The following CALCR variants were observed in gnomAD, a reference collection of about 807,000 sequenced individuals.
The protein encoded by CALCR is calcitonin receptor.
Under a neutral mutation model 59.5 loss-of-function variants are expected in CALCR, and 47 were observed. The observed-to-expected ratio is 0.79, with a 90% confidence interval of 0.63 to 1.01. The LOEUF (loss-of-function observed/expected upper bound fraction) is 1.01, where lower values mean the gene tolerates loss of function less well. Ranked by LOEUF, CALCR falls within the 50% of genes least tolerant of loss-of-function variation. The pLI is 0.00. For synonymous variants in CALCR, 213 were observed against 211.3 expected, an observed-to-expected ratio of 1.01 and a Z score of -0.07; for missense variants, 566 against 597.1, an observed-to-expected ratio of 0.95 and a Z score of 0.54.
chr7:93,440,059 C>T (rs1263454779), intron 9 of CALCR, among the ~76,000 whole-genome samples: 2 of 152,086 alleles, frequency 1.3e-5, no homozygotes, highest in Non-Finnish European at 2.9e-5. Flanking sequence ...AGATTCATTT[C>T]AAATCCTAGA....
chr7:93,562,582 A>T (rs1356238036), intron 2 of CALCR, among the ~76,000 whole-genome samples: 1 of 152,132 alleles, frequency 6.6e-6, no homozygotes, highest in Non-Finnish European at 1.5e-5. Context: ...TCAAGGAATC[A>T]CCCATGGTGC....
Position 93,426,286 on chromosome 7 carries a change from A to G in CALCR, c.*70T>C. 1 of 853,506 alleles carries G rather than the reference A, an allele frequency of 1.2e-6. No homozygotes were observed. The highest frequency in any genetic ancestry group is 2.0e-6 in the Non-Finnish European group (1 of 496,594). The allele number at this position is 853,506 out of a possible 1,614,324, so 52.9% of individuals were successfully genotyped here. A position where few individuals can be genotyped will look rare whatever the true frequency, so the allele number is the denominator to read the frequency against. On this transcript the variant is annotated 3_prime_UTR_variant, in exon 14 of 14. Transcript: ENST00000426151. ...TTCGGTTCCTGGGAGGATGGAGAAT[A>G]CTTTAAATGCATGGTCTTTCTCCCA...
intron 2 of CALCR, among the ~76,000 whole-genome samples, chr7:93,532,838 C>CAAAAAAAAAAAAAA (rs57128008): frequency 6.4e-4 from 61 of 95,662 alleles, no homozygotes; most frequent in African/African-American, 2.0e-3. Flanking sequence ...ATGTCCAAAG[C>CAAAAAAAAAAAAAA]AAAAAAAAAA....
In CALCR at chr7:93,472,163, A is replaced by G. The variant is rs114310741; in HGVS notation, c.429+212T>C. ...GATTCTGTATGCTCACGGAACTTCAATTGACTCTTGACTCTGAGTGCCAAC... is the reference window on the plus strand; with the variant it reads ...GATTCTGTATGCTCACGGAACTTCAGTTGACTCTTGACTCTGAGTGCCAAC... On this transcript the variant is annotated intron_variant, in intron 6 of 13. Transcript: ENST00000426151. Among the ~76,000 whole-genome samples the G allele has an allele frequency of 7.0e-3, 1,063 of 151,484 alleles. 18 individuals are homozygous for G. Among genetic ancestry groups the G allele is most frequent in the African/African-American group, 0.024 (1,015 of 41,498 alleles).
chr7:93,440,495 T>C (rs566404931), intron 9 of CALCR, among the ~76,000 whole-genome samples: 34 of 152,114 alleles, frequency 2.2e-4, no homozygotes, highest in Non-Finnish European at 3.8e-4. Flanking sequence ...GATTTGGCAA[T>C]GTGATTTTTC....
At chr7:93,541,683 G>A (rs1005349861) in intron 2 of CALCR, among the ~76,000 whole-genome samples, 3 of 152,126 alleles carry the variant, frequency 2.0e-5, no homozygotes, top group South Asian at 2.1e-4. Flanking sequence ...ATGTGCTAAC[G>A]TACAAAGAAA....
intron 7 of CALCR, among the ~76,000 whole-genome samples, chr7:93,465,474 T>G (rs1453456210): frequency 6.6e-6 from 1 of 151,922 alleles, no homozygotes; most frequent in African/African-American, 2.4e-5. Flanking sequence ...TCTGCGAAGG[T>G]TTTAAACTAA....
intron 2 of CALCR, among the ~76,000 whole-genome samples, chr7:93,503,522 T>G (rs771904058): frequency 4.1e-4 from 63 of 151,886 alleles, no homozygotes; most frequent in Non-Finnish European, 1.3e-4. Context: ...GGATTGAAAG[T>G]GATTGATTTG....
chr7:93,448,883 C>T (rs376525633), intron 8 of CALCR, among the ~76,000 whole-genome samples: 2 of 151,894 alleles, frequency 1.3e-5, no homozygotes, highest in African/African-American at 4.8e-5. Flanking sequence ...TTTTCAAATT[C>T]GCATGGACAA....
chr7:93,452,681 T>C (rs1562979146), intron 8 of CALCR, among the ~76,000 whole-genome samples: 1 of 151,864 alleles, frequency 6.6e-6, no homozygotes, highest in Non-Finnish European at 1.5e-5. Context: ...AGGAAAAGAA[T>C]TAAAAACAAA....
chr7:93,553,007 T>G (rs1789504198), intron 2 of CALCR, among the ~76,000 whole-genome samples: 1 of 152,188 alleles, frequency 6.6e-6, no homozygotes, highest in Admixed American at 6.6e-5. Flanking sequence ...CAACAACGTA[T>G]CCATCTGTCT....
In CALCR at chr7:93,468,054, GA is replaced by G. The variant is rs371884830; in HGVS notation, c.521+660del. ...CTTTATTTTCACTAAAGTTGGTTGT[GA>G]TGAAAGCATATGTAACAGTTTCTAA... On this transcript the variant is annotated intron_variant, in intron 7 of 13. Coordinates refer to ENST00000426151, the MANE Select transcript of CALCR (RefSeq NM_001742.4). Among the ~76,000 whole-genome samples, 674 of 151,786 alleles carry G rather than the reference GA, an allele frequency of 4.4e-3. 19 individuals are homozygous for G. The South Asian group carries it at 0.054, about 12-fold the overall frequency.
chr7:93,524,886 T>C (rs546243977), intron 2 of CALCR, among the ~76,000 whole-genome samples: 1 of 152,282 alleles, frequency 6.6e-6, no homozygotes, highest in South Asian at 2.1e-4. Context: ...CTAAAGTTTT[T>C]AGGGCAAGTC....
intron 11 of CALCR, among the ~76,000 whole-genome samples, chr7:93,436,870 A>AT (rs913256583): frequency 3.3e-5 from 5 of 152,004 alleles, no homozygotes; most frequent in African/African-American, 1.2e-4. Flanking sequence ...CATGTTTGAT[A>AT]TTTTTTCTGT....
intron 13 of CALCR, among the ~76,000 whole-genome samples, chr7:93,427,638 C>G (rs1444556587): frequency 6.6e-6 from 1 of 152,082 alleles, no homozygotes; most frequent in Non-Finnish European, 1.5e-5. Flanking sequence ...ATCATTTTAT[C>G]TACTTTACAT....
intron 7 of CALCR, among the ~76,000 whole-genome samples, chr7:93,461,475 ATCT>A (rs1800335525): frequency 6.6e-6 from 1 of 152,102 alleles, no homozygotes; most frequent in Non-Finnish European, 1.5e-5. Flanking sequence ...TTCTGTTACC[ATCT>A]TCTTAGATCT....
In CALCR at chr7:93,508,347, A is replaced by G. The variant is rs573022870; in HGVS notation, c.-26-21340T>C. 3.9e-5 allele frequency among the ~76,000 whole-genome samples: 6 copies of G among 152,350 alleles called. No individual in the cohort carries two copies. The East Asian group carries it at 1.2e-3, about 29-fold the overall frequency. On this transcript the variant is annotated intron_variant, in intron 2 of 13. Transcript: ENST00000426151. ...TTCCAGTTGGGCATACTACACTCTC[A>G]AAACTGTGGCTATCAGAGAGCATGT... is the stretch of plus-strand genomic sequence containing the variant.
At chr7:93,517,496 G>A (rs1027286117) in intron 2 of CALCR, among the ~76,000 whole-genome samples, 12 of 151,512 alleles carry the variant, frequency 7.9e-5, no homozygotes, top group African/African-American at 2.9e-4. Flanking sequence ...TTTTGCAAAA[G>A]GCCTTTTAAA....
intron 2 of CALCR, among the ~76,000 whole-genome samples, chr7:93,488,447 A>G (rs962554830): frequency 6.6e-6 from 1 of 151,764 alleles, no homozygotes; most frequent in Non-Finnish European, 1.5e-5. Flanking sequence ...CCCCAATTAA[A>G]AGACACAGAC....
Sources: gnomAD v4.1 joint callset for allele counts (sites outside exome capture counted in the v4.1 genomes callset) on GRCh38, gnomAD v4.1.1 for gene constraint, MANE v1.5 for transcripts, NCBI Gene and HGNC (gene_info 2026-07-23, HGNC 2026-07-21) for gene names.